The following DIAPH2 variants were observed in gnomAD, a reference collection of about 807,000 sequenced individuals.
The protein encoded by DIAPH2 is protein diaphanous homolog 2.
Under a neutral mutation model 92.7 loss-of-function variants are expected in DIAPH2, and 35 were observed. The observed-to-expected ratio is 0.38, with a 90% confidence interval of 0.29 to 0.50. The LOEUF (loss-of-function observed/expected upper bound fraction) is 0.50. Ranked by LOEUF, DIAPH2 falls within the 20% of genes least tolerant of loss-of-function variation. The pLI, the probability that DIAPH2 is intolerant of heterozygous loss-of-function variation, is 0.94. For missense variants in DIAPH2, 701 were observed against 819.5 expected (o/e 0.86, Z 1.77); for synonymous variants, 301 against 280.4 (o/e 1.07, Z -0.73).
intron 21 of DIAPH2, among the ~76,000 whole-genome samples, chrX:97,122,682 G>A (rs932445032): frequency 1.8e-5 from 2 of 111,922 alleles, no homozygotes; most frequent in African/African-American, 6.5e-5. Context: ...TGACTTTGTG[G>A]GTTATAATTT....
chrX:97,136,188 C>T (rs1466084255), intron 21 of DIAPH2, among the ~76,000 whole-genome samples: 2 of 111,744 alleles, frequency 1.8e-5, no homozygotes, highest in African/African-American at 6.5e-5. Flanking sequence ...AGAGTAGGAG[C>T]CAGAGGGATT....
chrX:97,012,582 A>C (rs1459685815), intron 17 of DIAPH2, among the ~76,000 whole-genome samples: 1 of 112,231 alleles, frequency 8.9e-6, no homozygotes, highest in Non-Finnish European at 1.9e-5. Context: ...CACCTCTTTA[A>C]GTACATTTCT....
chrX:97,530,532 T>A (rs1296155071), intron 26 of DIAPH2, among the ~76,000 whole-genome samples: 1 of 111,623 alleles, frequency 9.0e-6, no homozygotes, highest in East Asian at 2.8e-4. Context: ...CAGCTGCCTA[T>A]AAATGATAGA....
At position 97,381,323 on chromosome X, in the gene DIAPH2, T is replaced by A. The variant is rs751484202; in HGVS notation, c.3010-2586T>A. ...CTTTTTGTAATCATTTCTACTGTCT[T>A]TATTAGATGATCTTAGTCGATCAAA... On this transcript the variant is annotated intron_variant, in intron 24 of 26. Coordinates refer to ENST00000324765, the MANE Select transcript of DIAPH2 (RefSeq NM_006729.5). Among the ~76,000 whole-genome samples, 6 of 111,473 alleles carry A rather than the reference T, an allele frequency of 5.4e-5. No individual in the cohort carries two copies. In the South Asian group the frequency reaches 2.3e-3, roughly 42 times the overall value.
intron 22 of DIAPH2, among the ~76,000 whole-genome samples, chrX:97,161,151 T>A (rs992301482): frequency 1.4e-4 from 15 of 106,737 alleles, no homozygotes; most frequent in African/African-American, 4.8e-4. Flanking sequence ...AATTCCATGA[T>A]CCGAAAGACC....
At chrX:97,064,390 T>C (rs113262626) in intron 17 of DIAPH2, among the ~76,000 whole-genome samples, 2 of 110,658 alleles carry the variant, frequency 1.8e-5, no homozygotes, top group Non-Finnish European at 3.8e-5. Flanking sequence ...AACCATTTTT[T>C]TTCATCTGGC....
chrX:97,201,071 A>G (rs1301913852), intron 22 of DIAPH2, among the ~76,000 whole-genome samples: 1 of 109,384 alleles, frequency 9.1e-6, no homozygotes, highest in Non-Finnish European at 1.9e-5. Flanking sequence ...GCAGAACTGC[A>G]GAAGAGAGGC....
At chrX:96,983,195 GTAA>G (rs2066008940) in intron 17 of DIAPH2, among the ~76,000 whole-genome samples, 1 of 111,076 alleles carries the variant, frequency 9.0e-6, no homozygotes, top group Admixed American at 9.7e-5. Context: ...TTGATTTTTA[GTAA>G]TAATGTTTTT....
rs144573098 is a variant in DIAPH2, at chrX:97,184,017, A to G, written c.2719+42223A>G. On this transcript the variant is annotated intron_variant, in intron 22 of 26. Transcript: ENST00000324765. The stretch of plus-strand genomic sequence containing the variant: ...CCAGGTGAACTTCCCATTTTTTGAG[A>G]TTTTATTTGACCAGTATTTATAATT... Among the ~76,000 whole-genome samples, 524 of 112,328 alleles carry G rather than the reference A, an allele frequency of 4.7e-3. 5 individuals carry two copies. The highest frequency in any genetic ancestry group is 0.016 in the African/African-American group (485 of 30,969).
At chrX:96,915,932 A>G (rs1435351733) in intron 7 of DIAPH2, among the ~76,000 whole-genome samples, 2 of 111,441 alleles carry the variant, frequency 1.8e-5, no homozygotes, top group Non-Finnish European at 3.8e-5. Flanking sequence ...ATCAGGGAGG[A>G]TAAGAGAGAG....
At chrX:96,692,761 T>A (rs2063804484) in intron 1 of DIAPH2, among the ~76,000 whole-genome samples, 1 of 112,322 alleles carries the variant, frequency 8.9e-6, no homozygotes, top group East Asian at 2.8e-4. Context: ...CTGTAGATAG[T>A]TAGGCAAAGG....
intron 5 of DIAPH2, among the ~76,000 whole-genome samples, chrX:96,886,789 C>T (rs185789261): frequency 1.8e-5 from 2 of 111,013 alleles, no homozygotes; most frequent in East Asian, 2.8e-4. Flanking sequence ...ACATTAAAAT[C>T]TGATATTTAT....
intron 26 of DIAPH2, among the ~76,000 whole-genome samples, chrX:97,568,620 T>G (rs1459748274): frequency 9.0e-6 from 1 of 111,639 alleles, no homozygotes; most frequent in Non-Finnish European, 1.9e-5. Flanking sequence ...GGTATGAATC[T>G]CTAGAAAGAT....
At chrX:96,708,621 G>A (rs73250716) in intron 1 of DIAPH2, among the ~76,000 whole-genome samples, 23,802 of 111,140 alleles carry the variant, frequency 0.21, 1,918 homozygotes, top group East Asian at 0.32. Context: ...TCTGCTGAGT[G>A]TTAGAATGAA....
intron 4 of DIAPH2, among the ~76,000 whole-genome samples, chrX:96,833,856 TCAC>T (rs1304628967): frequency 1.8e-5 from 2 of 110,724 alleles, no homozygotes; most frequent in African/African-American, 6.6e-5. Context: ...AGACAGGACT[TCAC>T]CATGTTGTCC....
intron 26 of DIAPH2, among the ~76,000 whole-genome samples, chrX:97,485,563 A>G (rs1367639402): frequency 8.9e-6 from 1 of 112,960 alleles, no homozygotes; most frequent in Non-Finnish European, 1.9e-5. Flanking sequence ...AGTCCAAAAG[A>G]TAGATTAAAT....
At chrX:97,545,918 C>T (rs2071178232) in intron 26 of DIAPH2, among the ~76,000 whole-genome samples, 1 of 109,922 alleles carries the variant, frequency 9.1e-6, no homozygotes, top group South Asian at 4.0e-4. Flanking sequence ...TTTAATATTT[C>T]CTCCCCACTT....
intron 22 of DIAPH2, among the ~76,000 whole-genome samples, chrX:97,193,001 C>G (rs867542597): frequency 1.0e-5 from 1 of 99,096 alleles, no homozygotes; most frequent in African/African-American, 4.3e-5. Flanking sequence ...CTTTCTTTTT[C>G]TTTTTCTTTT....
In DIAPH2 at chrX:97,603,093, G is replaced by T. The variant is rs1412519115; in HGVS notation, c.*3776G>T. ...CAAAGGTTGTCAAGACACACCCTTG[G>T]GCTTATCTACAGAGCACACTTTTCT... On this transcript the variant is annotated 3_prime_UTR_variant, in exon 27 of 27. Transcript: ENST00000324765. 1 of 108,299 alleles carries T rather than the reference G, an allele frequency of 9.2e-6. No individual in the cohort carries two copies. The highest frequency in any genetic ancestry group is 2.9e-4 in the East Asian group (1 of 3,448). 8.9% of individuals were successfully genotyped at this position (108,299 alleles called of 1,213,427 possible). A position where few individuals can be genotyped will look rare whatever the true frequency, so the allele number is the denominator to read the frequency against.
Sources: allele counts gnomAD v4.1 joint callset (sites outside exome capture counted in the v4.1 genomes callset), GRCh38; gene constraint gnomAD v4.1.1; transcripts MANE v1.5; gene names NCBI Gene and HGNC (gene_info 2026-07-23, HGNC 2026-07-21).